RRN3: variants seen among roughly 807,000 people sequenced by gnomAD.
The protein encoded by RRN3 is RNA polymerase I-specific transcription initiation factor RRN3.
A neutral mutation model predicts 82.3 loss-of-function variants in RRN3; 38 were observed. That is an observed-to-expected ratio of 0.46 (90% CI 0.36 to 0.61). The LOEUF is 0.61. Among genes scored for constraint, RRN3 ranks in the 20% least tolerant of loss-of-function variants. RRN3 has a pLI of 0.00. For missense variants in RRN3, 726 were observed against 793.1 expected (o/e 0.92, Z 1.02); for synonymous variants, 284 against 284.3 (o/e 1.00, Z 0.01).
At position 15,094,227 on chromosome 16, in the gene RRN3, C is replaced by G; in HGVS notation, c.7G>C (p.Ala3Pro). 1.3e-6 allele frequency: 2 copies of G among 1,588,732 alleles called. No homozygotes were observed. Among genetic ancestry groups the G allele is most frequent in the Non-Finnish European group, 1.7e-6 (2 of 1,168,072 alleles). MAAPLLHTRLPGD... is the reference protein window; with the variant it reads MAPPLLHTRLPGD... ...GGCAAACGCGTGTGAAGCAGCGGTG[C>G]CGCCATTGGGCCGAACTAACGCGAC... Residue 3 changes from alanine to proline, a missense_variant, in exon 1 of 18, where the codon GCA (alanine) becomes CCA (proline). Physicochemically the swap from Ala to Pro is conservative, Grantham distance 27. Coordinates refer to ENST00000198767, the MANE Select transcript of RRN3 (RefSeq NM_018427.5).
intron 17 of RRN3, among the ~76,000 whole-genome samples, chr16:15,062,856 AC>A (rs1436457408): frequency 1.3e-5 from 2 of 152,224 alleles, no homozygotes; most frequent in Non-Finnish European, 2.9e-5. Context: ...TGAGTAAGAC[AC>A]GGTTTTGGTG....
intron 11 of RRN3, 93 bp from the exon 12 acceptor site, chr16:15,073,173 C>T: frequency 7.1e-7 from 1 of 1,408,836 alleles, no homozygotes; most frequent in Non-Finnish European, 9.8e-7. Flanking sequence ...CATTAAAAAA[C>T]AACATTATCC....
In RRN3 at chr16:15,061,767, A is replaced by T. The variant is rs2044721342; in HGVS notation, c.1933T>A (p.Tyr645Asn). The change falls in exon 18 of 18, where the codon TAC (tyrosine) becomes AAC (asparagine). Residue 645 changes from tyrosine (Y) to asparagine (N), a missense_variant. Tyr to Asn is a moderately radical substitution (Grantham distance 143). This residue lies in a region of RRN3 where 166 missense variants were observed against 154.8 expected (regional missense o/e 1.07). Coordinates refer to ENST00000198767, the MANE Select transcript of RRN3 (RefSeq NM_018427.5). ...CGTCAGAGGGGACTGGGTTGCATGT[A>T]CAACACGGGTGGGGAGCCCACACTA... ...SSSVGSPPVL[Y>N]MQPSPL 6.2e-7 allele frequency: 1 copy of T among 1,613,836 alleles called. No individual in the cohort carries two copies. The highest frequency in any genetic ancestry group is 1.3e-5 in the African/African-American group (1 of 75,068).
At position 15,060,473 on chromosome 16, in the gene RRN3, C is replaced by T. The variant is rs1014952251; in HGVS notation, c.*1271G>A. Reference sequence around the variant, plus strand: ...CTGGAAAAGAGGAAGTATTTCATTACAAAATATTTATGATCAAGAAAATAT... The same window carrying T: ...CTGGAAAAGAGGAAGTATTTCATTATAAAATATTTATGATCAAGAAAATAT... On this transcript the variant is annotated 3_prime_UTR_variant, in exon 18 of 18. Coordinates refer to ENST00000198767, the MANE Select transcript of RRN3 (RefSeq NM_018427.5). 5.9e-5 allele frequency: 9 copies of T among 153,298 alleles called. No individual in the cohort carries two copies. Among genetic ancestry groups the T allele is most frequent in the African/African-American group, 2.2e-4 (9 of 41,378 alleles). 9.5% of individuals were successfully genotyped at this position (153,298 alleles called of 1,614,324 possible). A position where few individuals can be genotyped will look rare whatever the true frequency, so the allele number is the denominator to read the frequency against.
At chr16:15,074,921 G>T (rs1597923315) in intron 10 of RRN3, 60 bp from the exon 11 acceptor site, 1 of 1,491,352 alleles carries the variant, frequency 6.7e-7, no homozygotes, top group Non-Finnish European at 9.1e-7. Flanking sequence ...TGGTTTAGTA[G>T]GAAAACTGTC....
At chr16:15,087,454 T>C (rs1186890489) in intron 3 of RRN3, among the ~76,000 whole-genome samples, 1 of 152,192 alleles carries the variant, frequency 6.6e-6, no homozygotes, top group East Asian at 1.9e-4. Context: ...AAGGCTATCC[T>C]CTGTCCACCG....
intron 17 of RRN3, among the ~76,000 whole-genome samples, chr16:15,062,113 G>A (rs1203996476): frequency 2.0e-5 from 3 of 152,154 alleles, no homozygotes; most frequent in Non-Finnish European, 2.9e-5. Flanking sequence ...CAAGAGTTCC[G>A]AATCCAGCCT....
intron 16 of RRN3, among the ~76,000 whole-genome samples, chr16:15,064,130 G>C (rs891175186): frequency 1.3e-5 from 2 of 152,038 alleles, no homozygotes; most frequent in Non-Finnish European, 1.5e-5. Context: ...GGCTGGCCCA[G>C]TGGTTTTCTA....
At chr16:15,070,526 C>A in intron 13 of RRN3, among the ~76,000 whole-genome samples, 1 of 152,166 alleles carries the variant, frequency 6.6e-6, no homozygotes. Flanking sequence ...AGCAGGTTCT[C>A]CTAACCATCT....
At chr16:15,083,411 G>T in intron 8 of RRN3, 102 bp downstream of exon 8, 1 of 1,530,690 alleles carries the variant, frequency 6.5e-7, no homozygotes, top group Non-Finnish European at 8.8e-7. Context: ...AAAAGAAAAA[G>T]AAAAAGAAAG....
At chr16:15,082,760 A>C (rs2045759457) in intron 8 of RRN3, among the ~76,000 whole-genome samples, 1 of 152,102 alleles carries the variant, frequency 6.6e-6, no homozygotes, top group South Asian at 2.1e-4. Flanking sequence ...ATGCTACTAG[A>C]TTCGGTTTTC....
chr16:15,083,175 C>T (rs916153560), intron 8 of RRN3, among the ~76,000 whole-genome samples: 19 of 152,286 alleles, frequency 1.2e-4, no homozygotes, highest in Admixed American at 1.2e-3. Context: ...CCGAGGCAGG[C>T]AGATCACAAG....
intron 3 of RRN3, among the ~76,000 whole-genome samples, chr16:15,087,292 A>T (rs1178267844): frequency 1.3e-5 from 2 of 152,174 alleles, no homozygotes; most frequent in African/African-American, 4.8e-5. Flanking sequence ...GACACTCCAC[A>T]TATATATCTT....
chr16:15,070,359 A>C, intron 13 of RRN3, 105 bp from the exon 14 acceptor site: 1 of 786,856 alleles, frequency 1.3e-6, no homozygotes, highest in Non-Finnish European at 2.0e-6. Flanking sequence ...AAGTAAGTTC[A>C]TAGGTTTCTT....
intron 15 of RRN3, among the ~76,000 whole-genome samples, chr16:15,066,160 A>G (rs1055976819): frequency 6.6e-6 from 1 of 152,192 alleles, no homozygotes; most frequent in Non-Finnish European, 1.5e-5. Flanking sequence ...CAAGGCTCAC[A>G]GCACTTGACC....
chr16:15,069,535 G>C (rs1357187928), intron 14 of RRN3, among the ~76,000 whole-genome samples: 1 of 152,160 alleles, frequency 6.6e-6, no homozygotes, highest in Non-Finnish European at 1.5e-5. Context: ...AACAATACTG[G>C]TCAATTAAGT....
intron 17 of RRN3, among the ~76,000 whole-genome samples, chr16:15,062,797 CTCTT>C (rs1358705423): frequency 6.6e-6 from 1 of 152,234 alleles, no homozygotes; most frequent in African/African-American, 2.4e-5. Flanking sequence ...AAGCCATAGA[CTCTT>C]TAAATAACAA....
At chr16:15,083,197 G>A (rs184418250) in intron 8 of RRN3, among the ~76,000 whole-genome samples, 3 of 152,264 alleles carry the variant, frequency 2.0e-5, no homozygotes, top group Non-Finnish European at 2.9e-5. Context: ...TCAGGCGTTC[G>A]ATACCAGTGT....
rs531963820 is a variant in RRN3, at chr16:15,076,572, C to G, written c.844G>C (p.Gly282Arg). ...QTCGGTDSTE[G>R]LFNMDEDEET... The stretch of plus-strand genomic sequence containing the variant: ...AAACTGCTAACCATATTAAACAATC[C>G]TTCCGTGGAATCTGTCCCACCACAA... The change falls in exon 10 of 18, where the codon GGA (glycine) becomes CGA (arginine). Residue 282 changes from glycine (G) to arginine (R), a missense_variant. Physicochemically the swap from Gly to Arg is moderately radical, Grantham distance 125 (BLOSUM62 -2). Around this residue, in one of 4 missense-constraint regions of RRN3, gnomAD observed 344 missense variants for 394.5 expected, o/e 0.87. Transcript: ENST00000198767. The G allele has an allele frequency of 6.2e-7, 1 of 1,610,780 alleles. No homozygotes were observed. The highest frequency in any genetic ancestry group is 1.7e-5 in the Admixed American group (1 of 60,010).
Sources: allele counts gnomAD v4.1 joint callset (sites outside exome capture counted in the v4.1 genomes callset), GRCh38; gene constraint gnomAD v4.1.1; regional missense constraint gnomAD v4.1.1; transcripts MANE v1.5; gene names NCBI Gene and HGNC (gene_info 2026-07-23, HGNC 2026-07-21).